The following PTPN9 variants were observed in gnomAD, a reference collection of about 807,000 sequenced individuals.
The protein encoded by PTPN9 is protein tyrosine phosphatase non-receptor type 9, also known as tyrosine-protein phosphatase non-receptor type 9.
In PTPN9, 26 loss-of-function variants were observed where a neutral mutation model predicts 69.8. The ratio of observed to expected loss-of-function variants is 0.37; its 90% CI spans 0.27 to 0.52. The LOEUF is 0.52. Among genes scored for constraint, PTPN9 ranks in the 20% least tolerant of loss-of-function variants. The probability of loss-of-function intolerance (pLI) is 0.91; values close to 1 mark genes in which losing one functional copy is unlikely to be tolerated. For synonymous variants in PTPN9, 274 were observed against 272.5 expected (o/e 1.01, Z -0.05); for missense variants, 549 against 740.3 (o/e 0.74, Z 3.00).
At chr15:75,530,446 T>TTATA (rs2074950790) in intron 1 of PTPN9, among the ~76,000 whole-genome samples, 1 of 105,698 alleles carries the variant, frequency 9.5e-6, no homozygotes, top group Non-Finnish European at 1.8e-5. Flanking sequence ...TAATATATTA[T>TTATA]TATTATAATA....
rs2074544107 is a variant in PTPN9 at position 75,468,001 on chromosome 15, G to GATGT, written c.*764_*767dup. On this transcript the variant is annotated 3_prime_UTR_variant, in exon 13 of 13. Transcript: ENST00000618819. Reference sequence around the variant, plus strand: ...GGCCCTGTGGCAGGAACATGGAGGAGATGTGTGTGTGTCCTCTTCCACCAC... The same window carrying GATGT: ...GGCCCTGTGGCAGGAACATGGAGGAGATGTATGTGTGTGTGTCCTCTTCCACCAC... 6.6e-6 allele frequency: 1 copy of GATGT among 152,602 alleles called. No homozygotes were observed. Among genetic ancestry groups the GATGT allele is most frequent in the African/African-American group, 2.4e-5 (1 of 41,458 alleles). The allele number at this position is 152,602 out of a possible 1,614,324, so 9.5% of individuals were successfully genotyped here.
At chr15:75,504,039 GC>G (rs1244256664) in intron 7 of PTPN9, among the ~76,000 whole-genome samples, 3 of 115,360 alleles carry the variant, frequency 2.6e-5, no homozygotes, top group Non-Finnish European at 3.7e-5. Flanking sequence ...GGGGGGCTCA[GC>G]CCCCCGCCCG....
intron 8 of PTPN9, among the ~76,000 whole-genome samples, chr15:75,485,662 G>T (rs1042708744): frequency 6.7e-6 from 1 of 150,322 alleles, no homozygotes; most frequent in African/African-American, 2.4e-5. Context: ...GAGCCACCGC[G>T]CCCGGCCGAA....
chr15:75,524,831 C>T (rs1230920717), intron 2 of PTPN9, among the ~76,000 whole-genome samples: 1 of 134,392 alleles, frequency 7.4e-6, no homozygotes. Context: ...ATGAAGTCAA[C>T]TAAATGAATT....
chr15:75,517,260 T>C lies in PTPN9; in HGVS notation c.527A>G (p.Lys176Arg), dbSNP rs749260648. 18 of 1,610,224 alleles carry C rather than the reference T, an allele frequency of 1.1e-5. No individual in the cohort carries two copies. The highest frequency in any genetic ancestry group is 1.4e-5 in the Non-Finnish European group (16 of 1,176,614). ...TGAGAGGGCCCTCCATAGCCTTACC[T>C]TCAGCAGGTTTAGGACTTTCTTGCC... is the stretch of plus-strand genomic sequence containing the variant. The part of the protein sequence containing the change: ...DLGKKVLNLL[K>R]GAFPARLKKV... The change falls in exon 5 of 13, where the codon AAG becomes AGG. Residue 176 changes from lysine to arginine, a missense_variant and splice_region_variant. Physicochemically the swap from Lys to Arg is conservative, Grantham distance 26 (BLOSUM62 2). Around this residue, in one of 3 missense-constraint regions of PTPN9, gnomAD observed 457 missense variants for 661.9 expected, o/e 0.69. Transcript: ENST00000618819.
intron 10 of PTPN9, among the ~76,000 whole-genome samples, chr15:75,471,422 T>C (rs1295708430): frequency 1.3e-5 from 2 of 152,044 alleles, no homozygotes; most frequent in East Asian, 3.9e-4. Context: ...CCAGGCAACA[T>C]GGAAACCCTA....
intron 1 of PTPN9, among the ~76,000 whole-genome samples, chr15:75,536,693 G>A (rs1172965985): frequency 6.6e-6 from 1 of 152,174 alleles, no homozygotes; most frequent in Non-Finnish European, 1.5e-5. Flanking sequence ...GCCCTTGTAT[G>A]CTGTACTTCA....
intron 1 of PTPN9, among the ~76,000 whole-genome samples, chr15:75,564,794 TA>T (rs2075119683): frequency 6.6e-6 from 1 of 151,266 alleles, no homozygotes; most frequent in Non-Finnish European, 1.5e-5. Flanking sequence ...CTCTCTCTAT[TA>T]AAAATAAATA....
At chr15:75,502,301 G>T (rs747874254) in intron 7 of PTPN9, among the ~76,000 whole-genome samples, 5 of 152,002 alleles carry the variant, frequency 3.3e-5, no homozygotes, top group Non-Finnish European at 7.4e-5. Flanking sequence ...ACAAAAATTA[G>T]CCAGGCATGG....
intron 8 of PTPN9, among the ~76,000 whole-genome samples, chr15:75,486,519 G>A (rs2074678446): frequency 1.3e-5 from 2 of 152,114 alleles, no homozygotes; most frequent in African/African-American, 2.4e-5. Context: ...CCACAATAGT[G>A]AGAAATAAAT....
At chr15:75,557,527 G>A (rs898946385) in intron 1 of PTPN9, among the ~76,000 whole-genome samples, 1 of 152,080 alleles carries the variant, frequency 6.6e-6, no homozygotes, top group African/African-American at 2.4e-5. Flanking sequence ...ATATACTTAG[G>A]AGTGAAATTT....
chr15:75,471,008 C>T, intron 10 of PTPN9, 178 bp from the exon 11 acceptor site: 1 of 726,792 alleles, frequency 1.4e-6, no homozygotes, highest in Non-Finnish European at 2.2e-6. Context: ...AACAAATGTA[C>T]TCACAGCTAA....
chr15:75,555,149 T>C (rs1256692019), intron 1 of PTPN9, among the ~76,000 whole-genome samples: 1 of 152,252 alleles, frequency 6.6e-6, no homozygotes, highest in Non-Finnish European at 1.5e-5. Flanking sequence ...TTGAGAAGTC[T>C]GCCTTGCTGT....
At chr15:75,550,235 G>A (rs1211907994) in intron 1 of PTPN9, among the ~76,000 whole-genome samples, 8 of 148,384 alleles carry the variant, frequency 5.4e-5, no homozygotes, top group African/African-American at 1.7e-4. Context: ...GCGCTATCTC[G>A]GCTCACTGCA....
Position 75,578,757 on chromosome 15 carries a change from G to A in PTPN9, c.20C>T (p.Pro7Leu). Reference sequence around the variant, plus strand: ...CAGCTCCGGCGCCATGTCGGGCCGGGGCGCGGTCGCGGGCTCCATCCCCCC... The same window carrying A: ...CAGCTCCGGCGCCATGTCGGGCCGGAGCGCGGTCGCGGGCTCCATCCCCCC... The part of the protein sequence containing the change: MEPATA[P>L]RPDMAPELTP... Residue 7 changes from proline to leucine, a missense_variant, in exon 1 of 13, where the codon CCC (proline) becomes CTC (leucine). Pro to Leu is a moderately conservative substitution (Grantham distance 98). Coordinates refer to ENST00000618819, the MANE Select transcript of PTPN9 (RefSeq NM_002833.4). The A allele has an allele frequency of 1.5e-6, 2 of 1,292,580 alleles. No individual in the cohort carries two copies. Among genetic ancestry groups the A allele is most frequent in the African/African-American group, 1.5e-5 (1 of 64,708 alleles). 80.1% of individuals were successfully genotyped at this position (1,292,580 alleles called of 1,614,324 possible).
intron 5 of PTPN9, among the ~76,000 whole-genome samples, chr15:75,511,183 C>A (rs565448871): frequency 2.3e-4 from 35 of 152,206 alleles, no homozygotes; most frequent in African/African-American, 7.2e-4. Context: ...ATTTGAGGAG[C>A]TATTTTCCAC....
intron 8 of PTPN9, among the ~76,000 whole-genome samples, chr15:75,489,475 G>T (rs1292351481): frequency 2.0e-5 from 3 of 152,110 alleles, no homozygotes; most frequent in Non-Finnish European, 4.4e-5. Flanking sequence ...TGTGGTCTCA[G>T]CTACTTGGGA....
intron 7 of PTPN9, among the ~76,000 whole-genome samples, chr15:75,500,114 G>A (rs908897227): frequency 6.6e-6 from 1 of 152,100 alleles, no homozygotes; most frequent in Non-Finnish European, 1.5e-5. Context: ...AGGAGTTTGA[G>A]ACCAGCCTGG....
At position 75,486,909 on chromosome 15, in the gene PTPN9, C is replaced by T. The variant is rs185041778; in HGVS notation, c.1062+3299G>A. On this transcript the variant is annotated intron_variant, in intron 8 of 12. Transcript: ENST00000618819. Reference sequence around the variant, plus strand: ...ATGCCATTCTCCTGCCTCGGCCTCCCGAGTAGCTGGGACTACAGGCGCCCA... The same window carrying T: ...ATGCCATTCTCCTGCCTCGGCCTCCTGAGTAGCTGGGACTACAGGCGCCCA... 1.8e-4 allele frequency among the ~76,000 whole-genome samples: 28 copies of T among 151,682 alleles called. No individual in the cohort carries two copies. In the South Asian group the frequency reaches 5.0e-3, roughly 27 times the overall value.
Sources: allele counts gnomAD v4.1 joint callset (sites outside exome capture counted in the v4.1 genomes callset), GRCh38; gene constraint gnomAD v4.1.1; regional missense constraint gnomAD v4.1.1; transcripts MANE v1.5; gene names NCBI Gene and HGNC (gene_info 2026-07-23, HGNC 2026-07-21).